ZNF783: variants seen among roughly 807,000 people sequenced by gnomAD.
The protein encoded by ZNF783 is protein ZNF783.
A neutral mutation model predicts 31.3 loss-of-function variants in ZNF783; 25 were observed. That is an observed-to-expected ratio of 0.80 (90% CI 0.58 to 1.11). ZNF783 has a LOEUF of 1.11. Ranked by LOEUF, ZNF783 falls within the 50% of genes most tolerant of loss-of-function variation. ZNF783 has a pLI of 0.00. For missense variants in ZNF783, 797 were observed against 760.0 expected, an observed-to-expected ratio of 1.05 and a Z score of -0.57; for synonymous variants, 369 against 319.1, an observed-to-expected ratio of 1.16 and a Z score of -1.66.
chr7:149,267,159 G>T lies in ZNF783; in HGVS notation c.610G>T (p.Asp204Tyr), dbSNP rs1797097105. 1.9e-6 allele frequency: 3 copies of T among 1,599,482 alleles called. No homozygotes were observed. The highest frequency in any genetic ancestry group is 2.2e-5 in the South Asian group (2 of 91,060). ...AGAGAGGGGAGAGGAGCCTTGTCTT[G>T]ACCGGTGGGGCCAGGAGAAGGGGAA... ...RIERGEEPCL[D>Y]RWGQEKGNEV... Residue 204 changes from aspartate to tyrosine, a missense_variant, in exon 4 of 6, where the codon GAC becomes TAC. By Grantham distance (160) the Asp-to-Tyr change is radical. Coordinates refer to ENST00000434415, the MANE Select transcript of ZNF783 (RefSeq NM_001195220.2).
Position 149,282,078 on chromosome 7 carries a change from C to G in ZNF783, c.1376C>G (p.Thr459Ser). The change falls in exon 6 of 6, where the codon ACC becomes AGC. Residue 459 changes from threonine (T) to serine (S), a missense_variant. Thr to Ser is a moderately conservative substitution (Grantham distance 58). Coordinates refer to ENST00000434415, the MANE Select transcript of ZNF783 (RefSeq NM_001195220.2). ...CTGCTGCTGCACCAGCGCCTGCACA[C>G]CGGCAATGGCCAGGGCTGGCCCGCC... Reference protein sequence around the residue: ...KSLLLHQRLHTGNGQGWPACP... With the variant: ...KSLLLHQRLHSGNGQGWPACP... The G allele has an allele frequency of 4.4e-6, 7 of 1,596,338 alleles. No homozygotes were observed. The highest frequency in any genetic ancestry group is 5.9e-6 in the Non-Finnish European group (7 of 1,178,782).
At chr7:149,265,376 T>C (rs1464437846) in intron 1 of ZNF783, among the ~76,000 whole-genome samples, 1 of 151,608 alleles carries the variant, frequency 6.6e-6, no homozygotes, top group Non-Finnish European at 1.5e-5. Flanking sequence ...CCATATGAAC[T>C]ATTTATACCA....
chr7:149,266,486 C>T lies in ZNF783; in HGVS notation c.176C>T (p.Ser59Phe), dbSNP rs1797069304. The T allele has an allele frequency of 1.2e-6, 2 of 1,612,900 alleles. No homozygotes were observed. Among genetic ancestry groups the T allele is most frequent in the African/African-American group, 1.3e-5 (1 of 74,902 alleles). Residue 59 changes from serine to phenylalanine, a missense_variant, in exon 2 of 6, where the codon TCC becomes TTC. Coordinates refer to ENST00000434415, the MANE Select transcript of ZNF783 (RefSeq NM_001195220.2). Reference sequence around the variant, plus strand: ...CAGGCCTTGGAGAAGAAGGTGGATTCCTGCCTGACCCGCTTGCTGACTCTG... The same window carrying T: ...CAGGCCTTGGAGAAGAAGGTGGATTTCTGCCTGACCCGCTTGCTGACTCTG... ...AIQALEKKVDSCLTRLLTLEG... is the reference protein window; with the variant it reads ...AIQALEKKVDFCLTRLLTLEG...
intron 4 of ZNF783, among the ~76,000 whole-genome samples, chr7:149,268,921 T>G (rs1418314587): frequency 6.6e-6 from 1 of 152,248 alleles, no homozygotes; most frequent in East Asian, 1.9e-4. Flanking sequence ...TGTGCATGTA[T>G]ATTTTTGGTA....
At chr7:149,268,862 G>T (rs925082937) in intron 4 of ZNF783, among the ~76,000 whole-genome samples, 3 of 152,150 alleles carry the variant, frequency 2.0e-5, no homozygotes, top group African/African-American at 7.2e-5. Flanking sequence ...GGACACCCAG[G>T]TTGATTCCAT....
chr7:149,281,393 C>A, intron 5 of ZNF783, 112 bp from the exon 6 acceptor site: 3 of 885,084 alleles, frequency 3.4e-6, no homozygotes, highest in South Asian at 5.3e-5. Flanking sequence ...GTGCTGTGAG[C>A]ACTGTGGGGA....
chr7:149,263,734 C>T (rs1235488974), intron 1 of ZNF783, among the ~76,000 whole-genome samples: 2 of 152,128 alleles, frequency 1.3e-5, no homozygotes, highest in East Asian at 1.9e-4. Flanking sequence ...TACTGGAAAA[C>T]GCTTGTAAAG....
Position 149,281,700 on chromosome 7 carries a change from C to T in ZNF783, c.998C>T (p.Ala333Val), listed in dbSNP as rs765052448. 5 of 1,493,144 alleles carry T rather than the reference C, an allele frequency of 3.3e-6. No individual in the cohort carries two copies. In the Admixed American group the frequency reaches 1.2e-4, roughly 35 times the overall value. The allele number at this position is 1,493,144 out of a possible 1,614,324, so 92.5% of individuals were successfully genotyped here. The change falls in exon 6 of 6, where the codon GCC becomes GTC. Residue 333 changes from alanine to valine, a missense_variant. Coordinates refer to ENST00000434415, the MANE Select transcript of ZNF783 (RefSeq NM_001195220.2). ...GCAGGGGAGCCACGGCCACCGGGGG[C>T]CAGTGGGGAGACGCCCCGAGTCCTC... ...VRAGEPRPPG[A>V]SGETPRVLSR...
intron 4 of ZNF783, among the ~76,000 whole-genome samples, chr7:149,268,632 T>C (rs865806454): frequency 6.6e-6 from 1 of 152,354 alleles, no homozygotes; most frequent in South Asian, 2.1e-4. Flanking sequence ...CCACAGTGTC[T>C]ATTTTTGCCA....
chr7:149,276,409 G>C (rs1797329951), intron 4 of ZNF783: 1 of 987,392 alleles, frequency 1.0e-6, no homozygotes, highest in Non-Finnish European at 1.2e-6. Flanking sequence ...AGGATCTGCT[G>C]ATGAAGCAAC....
At chr7:149,265,353 G>GT (rs1293878718) in intron 1 of ZNF783, among the ~76,000 whole-genome samples, 1 of 148,190 alleles carries the variant, frequency 6.7e-6, no homozygotes, top group African/African-American at 2.6e-5. Context: ...AGAGGTGGAG[G>GT]TTAAAAAAAA....
intron 5 of ZNF783, 96 bp downstream of exon 5, chr7:149,278,623 G>A: frequency 6.5e-7 from 1 of 1,547,928 alleles, no homozygotes; most frequent in Non-Finnish European, 8.7e-7. Flanking sequence ...GGAAGCATGG[G>A]GCTGGGAGAG....
chr7:149,276,949 T>C (rs960280468), intron 4 of ZNF783, among the ~76,000 whole-genome samples: 3 of 151,688 alleles, frequency 2.0e-5, no homozygotes, highest in Non-Finnish European at 4.4e-5. Flanking sequence ...CCCGGGTTCA[T>C]GCCATTCTCC....
Position 149,281,571 on chromosome 7 carries a change from T to TG in ZNF783, c.874dup (p.Val292GlyfsTer9). On this transcript the variant is annotated frameshift_variant, in exon 6 of 6. Transcript: ENST00000434415. LOFTEE classifies it low-confidence loss of function (END_TRUNC). ...GAGATGACGCCTGAGCGGCTCTTTC[T>TG]GGGGGTGTCCCGAGGCCAGACCGAG... The TG allele has an allele frequency of 6.6e-7, 1 of 1,508,320 alleles. No homozygotes were observed. Among genetic ancestry groups the TG allele is most frequent in the Non-Finnish European group, 8.7e-7 (1 of 1,142,990 alleles). 93.4% of individuals were successfully genotyped at this position (1,508,320 alleles called of 1,614,324 possible). A position where few individuals can be genotyped will look rare whatever the true frequency, so the allele number is the denominator to read the frequency against.
intron 1 of ZNF783, among the ~76,000 whole-genome samples, 161 bp downstream of exon 1, chr7:149,262,518 A>G (rs912267437): frequency 2.1e-4 from 32 of 152,178 alleles, no homozygotes; most frequent in African/African-American, 7.0e-4. Flanking sequence ...CGTCGAAGGC[A>G]TTGACCGGGC....
At chr7:149,280,157 C>A (rs1212756553) in intron 5 of ZNF783, among the ~76,000 whole-genome samples, 5 of 134,562 alleles carry the variant, frequency 3.7e-5, no homozygotes, top group Admixed American at 8.1e-5. Context: ...CTGACCCCCC[C>A]ACCTCCCTCC....
chr7:149,271,670 CAG>C (rs1443513058), intron 4 of ZNF783, among the ~76,000 whole-genome samples: 1 of 152,166 alleles, frequency 6.6e-6, no homozygotes, highest in Non-Finnish European at 1.5e-5. Context: ...AATGATTTAA[CAG>C]GGTAGATTCA....
In ZNF783 at chr7:149,278,452, G is replaced by A. The variant is rs772352596; in HGVS notation, c.727G>A (p.Glu243Lys). 1.9e-6 allele frequency: 3 copies of A among 1,599,260 alleles called. No individual in the cohort carries two copies. Among genetic ancestry groups the A allele is most frequent in the Non-Finnish European group, 2.5e-6 (3 of 1,179,738 alleles). Reference sequence around the variant, plus strand: ...CAGCCCACTTAGCCCTGCCCAGGAGGAGCTGAAAGAAGGGCAGGCCCCCAA... The same window carrying A: ...CAGCCCACTTAGCCCTGCCCAGGAGAAGCTGAAAGAAGGGCAGGCCCCCAA... ...LTSPLSPAQEELKEGQAPKQQ... is the reference protein window; with the variant it reads ...LTSPLSPAQEKLKEGQAPKQQ... The change falls in exon 5 of 6, where the codon GAG becomes AAG. Residue 243 changes from glutamate to lysine, a missense_variant. Coordinates refer to ENST00000434415, the MANE Select transcript of ZNF783 (RefSeq NM_001195220.2).
At chr7:149,280,830 CT>C (rs1222532863) in intron 5 of ZNF783, among the ~76,000 whole-genome samples, 1 of 152,220 alleles carries the variant, frequency 6.6e-6, no homozygotes, top group Non-Finnish European at 1.5e-5. Context: ...CTGTGATCAC[CT>C]GCCACTGCCT....
Sources: allele counts gnomAD v4.1 joint callset (sites outside exome capture counted in the v4.1 genomes callset), GRCh38; gene constraint gnomAD v4.1.1; transcripts MANE v1.5; gene names NCBI Gene and HGNC (gene_info 2026-07-23, HGNC 2026-07-21).